Variants in UAP1L1 observed in about 807,000 individuals in gnomAD.
The protein encoded by UAP1L1 is UDP-N-acetylglucosamine pyrophosphorylase 1 like 1.
A neutral mutation model predicts 45.3 loss-of-function variants in UAP1L1; 45 were observed. The observed-to-expected ratio is 0.99, with a 90% confidence interval of 0.78 to 1.27. UAP1L1 has a LOEUF of 1.27. Among genes scored for constraint, UAP1L1 ranks in the 50% most tolerant of loss-of-function variants. UAP1L1 has a pLI of 0.00. For synonymous variants in UAP1L1, 323 were observed against 303.9 expected (o/e 1.06, Z -0.65); for missense variants, 667 against 694.0 (o/e 0.96, Z 0.44).
At chr9:137,080,367 C>T (rs1421668628) in intron 6 of UAP1L1, 2 of 609,734 alleles carry the variant, frequency 3.3e-6, no homozygotes, top group Non-Finnish European at 5.7e-6. Context: ...GACAGTAGTG[C>T]CACCTCCCGG....
intron 4 of UAP1L1, 32 bp downstream of exon 4, chr9:137,079,180 C>A (rs771479133): frequency 6.3e-7 from 1 of 1,593,642 alleles, no homozygotes; most frequent in Non-Finnish European, 8.5e-7. Context: ...GCCCCGCACC[C>A]GAGGCTGGCC....
chr9:137,078,734 T>C (rs7390974), intron 3 of UAP1L1, 57 bp downstream of exon 3: 1,551,029 of 1,551,606 alleles, frequency 1, 775,228 homozygotes, highest in East Asian at 1. Flanking sequence ...GGGAGCGTAG[T>C]TGGGGGTCCA....
At position 137,082,414 on chromosome 9, in the gene UAP1L1, C is replaced by T. The variant is rs1031672457; in HGVS notation, c.1432-223C>T. 36 of 592,012 alleles carry T rather than the reference C, an allele frequency of 6.1e-5. No homozygotes were observed. The highest frequency in any genetic ancestry group is 2.2e-4 in the East Asian group (8 of 35,750). 36.7% of individuals were successfully genotyped at this position (592,012 alleles called of 1,614,324 possible). A position where few individuals can be genotyped will look rare whatever the true frequency, so the allele number is the denominator to read the frequency against. ...TTTCTCTGGTCAGGTCAGACCTGTG[C>T]GTGACAGGAGGGTCCCCTGCTGGCC... On this transcript the variant is annotated intron_variant, in intron 8 of 8. Transcript: ENST00000409858. This position sits in a 1 kb window ranked among gnomAD's most constrained non-coding sequence, Gnocchi z 5.7.
Position 137,079,038 on chromosome 9 carries a change from CG to C in UAP1L1, c.737del (p.Gly246GlufsTer107). On this transcript the variant is annotated frameshift_variant, in exon 4 of 9. Transcript: ENST00000409858. LOFTEE classifies it high-confidence loss of function. ...DHKILEDMER[R>X]GVEFVHVYCV... is the part of the protein sequence containing the mutation. ...CAAGATCCTGGAGGACATGGAGCGC[CG>C]GGGAGTGGAGTTTGTGCACGTGTAC... 1.2e-6 allele frequency: 2 copies of C among 1,607,346 alleles called. No individual in the cohort carries two copies. Among genetic ancestry groups the C allele is most frequent in the South Asian group, 1.1e-5 (1 of 89,944 alleles).
Position 137,079,324 on chromosome 9 carries a change from G to C in UAP1L1, c.912G>C (p.Val304=). 1 of 1,613,224 alleles carries C rather than the reference G, an allele frequency of 6.2e-7. No individual in the cohort carries two copies. Among genetic ancestry groups the C allele is most frequent in the African/African-American group, 1.3e-5 (1 of 75,048 alleles). ...VVCQVDGVPQ[V]VEYSEISPET... ...GCCAGGTGGACGGTGTCCCCCAGGT[G>C]GTGGAGTACAGCGAGATCAGTCCTG... Residue 304 remains valine, a synonymous_variant, in exon 5 of 9, where the codon GTG becomes GTC. Transcript: ENST00000409858.
chr9:137,079,116 T>A lies in UAP1L1; in HGVS notation c.811T>A (p.Cys271Ser). The A allele has an allele frequency of 6.2e-7, 1 of 1,611,804 alleles. No homozygotes were observed. Among genetic ancestry groups the A allele is most frequent in the Non-Finnish European group, 8.5e-7 (1 of 1,179,656 alleles). ...GGCGGACCCTGTCTTCATCGGCTTC[T>A]GTGTGTTGCAGGGCGCAGACTGTGG... is the stretch of plus-strand genomic sequence containing the variant. ...RLADPVFIGF[C>S]VLQGADCGAK... The change falls in exon 4 of 9, where the codon TGT becomes AGT. Residue 271 changes from cysteine to serine, a missense_variant. Transcript: ENST00000409858.
In UAP1L1 at chr9:137,081,980, C is replaced by T. The variant is rs1422819538; in HGVS notation, c.1365-18C>T. 1.2e-6 allele frequency: 2 copies of T among 1,613,740 alleles called. No homozygotes were observed. The highest frequency in any genetic ancestry group is 1.7e-5 in the Admixed American group (1 of 59,998). ...GGCAGGTGCTGCAAGGAGATATTGA[C>T]AAGTGGACTTTCCCTAGCTTGCCCC... On this transcript the variant is annotated intron_variant, in intron 7 of 8. Coordinates refer to ENST00000409858, the MANE Select transcript of UAP1L1 (RefSeq NM_207309.3).
rs762876999 is a variant in UAP1L1 at position 137,078,590 on chromosome 9, G to C, written c.583G>C (p.Val195Leu). ...CTTCCACCTGGACCCCGCCAACGTG[G>C]TCATGTTTGAGCAGCGCCTGCTGCC... ...NFFHLDPANV[V>L]MFEQRLLPAV... Residue 195 changes from valine to leucine, a missense_variant, in exon 3 of 9, where the codon GTC becomes CTC. Coordinates refer to ENST00000409858, the MANE Select transcript of UAP1L1 (RefSeq NM_207309.3). 1 of 1,613,186 alleles carries C rather than the reference G, an allele frequency of 6.2e-7. No individual in the cohort carries two copies. The highest frequency in any genetic ancestry group is 8.5e-7 in the Non-Finnish European group (1 of 1,180,022).
intron 5 of UAP1L1, chr9:137,079,728 C>T: frequency 8.5e-6 from 5 of 586,036 alleles, no homozygotes. Flanking sequence ...GCCCTGGTGC[C>T]CAGGGTGCTA....
In UAP1L1 at chr9:137,082,275, G is replaced by T; in HGVS notation, c.1431+211G>T. The T allele has an allele frequency of 1.6e-6, 1 of 622,202 alleles. No individual in the cohort carries two copies. The highest frequency in any genetic ancestry group is 2.9e-6 in the Non-Finnish European group (1 of 349,714). 38.5% of individuals were successfully genotyped at this position (622,202 alleles called of 1,614,324 possible). On this transcript the variant is annotated intron_variant, in intron 8 of 8. Transcript: ENST00000409858. This position sits in a 1 kb window ranked among gnomAD's most constrained non-coding sequence, Gnocchi z 5.7. ...TTTGCAGGTCCTGGGAGGGCATGGG[G>T]ATGAGACAGCCCAGGTCTGAGCCCA...
At chr9:137,078,431 C>T (rs1832729013) in intron 2 of UAP1L1, 71 bp from the exon 3 acceptor site, 2 of 1,608,110 alleles carry the variant, frequency 1.2e-6, no homozygotes, top group Non-Finnish European at 1.7e-6. Flanking sequence ...CCGATGCCGG[C>T]TCTGGTCCGA....
Position 137,077,836 on chromosome 9 carries a change from AGGCCCTGGGGGCC to A in UAP1L1, c.289+19_289+31del, listed in dbSNP as rs1262340685. ...GGAGGAGGAAGGTAAGCGGGGTGGGAGGCCCTGGGGGCCGGCAGGGGGTCGTGCCCACGGAGCG... is the reference window on the plus strand; with the variant it reads ...GGAGGAGGAAGGTAAGCGGGGTGGGAGGCAGGGGGTCGTGCCCACGGAGCG... On this transcript the variant is annotated intron_variant, in intron 1 of 8. Coordinates refer to ENST00000409858, the MANE Select transcript of UAP1L1 (RefSeq NM_207309.3). The surrounding 1 kb of genome is among the most constrained non-coding windows in gnomAD (Gnocchi z 4.7). 7.1e-7 allele frequency: 1 copy of A among 1,410,820 alleles called. No individual in the cohort carries two copies. The highest frequency in any genetic ancestry group is 1.5e-5 in the African/African-American group (1 of 67,420). 87.4% of individuals were successfully genotyped at this position (1,410,820 alleles called of 1,614,324 possible).
rs1263431701 is a variant in UAP1L1 at position 137,079,455 on chromosome 9, C to T, written c.1037+6C>T. On this transcript the variant is annotated splice_donor_region_variant and intron_variant, in intron 5 of 8. Transcript: ENST00000409858. ...TTCCTTAAGGCGGTCACCAGGTGTGCGGCAGCAGGTGGCTGCGGATTGCCG... is the reference window on the plus strand; with the variant it reads ...TTCCTTAAGGCGGTCACCAGGTGTGTGGCAGCAGGTGGCTGCGGATTGCCG... 3 of 1,575,858 alleles carry T rather than the reference C, an allele frequency of 1.9e-6. No individual in the cohort carries two copies. The highest frequency in any genetic ancestry group is 2.3e-5 in the East Asian group (1 of 43,952).
intron 4 of UAP1L1, 39 bp downstream of exon 4, chr9:137,079,187 GGCCCCGCCCCTCACGGA>G (rs750885875): frequency 3.8e-6 from 6 of 1,591,036 alleles, no homozygotes; most frequent in African/African-American, 2.7e-5. Context: ...ACCCGAGGCT[GGCCCCGCCCCTCACGGA>G]GCCCCGCCCC....
rs772632433 is a variant in UAP1L1, at chr9:137,080,781, G to A, written c.1271G>A (p.Arg424His). 8 of 1,612,578 alleles carry A rather than the reference G, an allele frequency of 5.0e-6. No individual in the cohort carries two copies. In the Admixed American group the frequency reaches 5.0e-5, roughly 10 times the overall value. Residue 424 changes from arginine (R) to histidine (H), a missense_variant, in exon 7 of 9, where the codon CGC becomes CAC. Arg to His is a conservative substitution (Grantham distance 29, BLOSUM62 0). Coordinates refer to ENST00000409858, the MANE Select transcript of UAP1L1 (RefSeq NM_207309.3). ...GACAGGGACAGTCCCCGCACCGCTC[G>A]CCAGGCCCTGCTCACCCAGCACTAC... ...PADRDSPRTA[R>H]QALLTQHYRW...
At chr9:137,080,951 T>A in intron 7 of UAP1L1, 77 bp downstream of exon 7, 1 of 1,370,340 alleles carries the variant, frequency 7.3e-7, no homozygotes, top group Non-Finnish European at 9.6e-7. Context: ...AGAGCCCTGT[T>A]GGCTCTGCGA....
In UAP1L1 at chr9:137,079,291, C is replaced by A; in HGVS notation, c.879C>A (p.Gly293=). Residue 293 remains glycine, a synonymous_variant, in exon 5 of 9, where the codon GGC becomes GGA. Transcript: ENST00000409858. ...VEKAYPEEPV[G]VVCQVDGVPQ... ...AGGCATACCCCGAGGAGCCCGTGGGCGTGGTGTGCCAGGTGGACGGTGTCC... is the reference window on the plus strand; with the variant it reads ...AGGCATACCCCGAGGAGCCCGTGGGAGTGGTGTGCCAGGTGGACGGTGTCC... 1.2e-6 allele frequency: 2 copies of A among 1,612,230 alleles called. No individual in the cohort carries two copies. The highest frequency in any genetic ancestry group is 2.2e-5 in the South Asian group (2 of 91,022).
Position 137,078,504 on chromosome 9 carries a change from AC to A in UAP1L1, c.498del (p.Tyr166Ter), listed in dbSNP as rs771987678. ...RHGTRCTVPW[Y>X]VMTSEFTLGP... ...GGCTCACCGCGCCTCCCTTGCAGGT[AC>A]GTCATGACCAGCGAGTTCACTCTGG... On this transcript the variant is annotated frameshift_variant, in exon 3 of 9. Transcript: ENST00000409858. LOFTEE classifies it high-confidence loss of function. 3.1e-6 allele frequency: 5 copies of A among 1,612,896 alleles called. No homozygotes were observed. The African/African-American group carries it at 6.7e-5, about 22-fold the overall frequency.
At position 137,082,148 on chromosome 9, in the gene UAP1L1, G is replaced by A. The variant is rs1832797954; in HGVS notation, c.1431+84G>A. Reference sequence around the variant, plus strand: ...GGGGAGAGGTGGCTGCTCGGGTGGAGACGGCACAGCTCTACCTCGGTTAAC... The same window carrying A: ...GGGGAGAGGTGGCTGCTCGGGTGGAAACGGCACAGCTCTACCTCGGTTAAC... On this transcript the variant is annotated intron_variant, in intron 8 of 8. Coordinates refer to ENST00000409858, the MANE Select transcript of UAP1L1 (RefSeq NM_207309.3). The surrounding 1 kb of genome is among the most constrained non-coding windows in gnomAD (Gnocchi z 5.7). 7.5e-7 allele frequency: 1 copy of A among 1,332,312 alleles called. No homozygotes were observed. 82.5% of individuals were successfully genotyped at this position (1,332,312 alleles called of 1,614,324 possible). A position where few individuals can be genotyped will look rare whatever the true frequency, so the allele number is the denominator to read the frequency against.
Sources: gnomAD v4.1 joint callset for allele counts on GRCh38, gnomAD v4.1.1 for gene constraint, Gnocchi (gnomAD v3.1) non-coding constraint, MANE v1.5 for transcripts, NCBI Gene and HGNC (gene_info 2026-07-23, HGNC 2026-07-21) for gene names.